Variants in DPY19L3 observed in about 807,000 individuals in gnomAD.
DPY19L3 encodes dpy-19 like C-mannosyltransferase 3.
A neutral mutation model predicts 92.3 loss-of-function variants in DPY19L3; 51 were observed. That is an observed-to-expected ratio of 0.55 (90% CI 0.44 to 0.70). The LOEUF (loss-of-function observed/expected upper bound fraction) is 0.70. Ranked by LOEUF, DPY19L3 falls within the 30% of genes least tolerant of loss-of-function variation. The pLI is 0.00. For missense variants in DPY19L3, 706 were observed against 855.9 expected (o/e 0.82, Z 2.18); for synonymous variants, 309 against 315.2 (o/e 0.98, Z 0.21).
intron 15 of DPY19L3, among the ~76,000 whole-genome samples, chr19:32,465,002 T>C (rs1356038447): frequency 1.3e-5 from 2 of 152,218 alleles, no homozygotes; most frequent in Admixed American, 6.5e-5. Flanking sequence ...ACTATAGCAT[T>C]TAATAATTCT....
chr19:32,461,865 A>G (rs1354346408), intron 12 of DPY19L3, among the ~76,000 whole-genome samples: 1 of 152,168 alleles, frequency 6.6e-6, no homozygotes, highest in African/African-American at 2.4e-5. Flanking sequence ...CAGTCTTAAC[A>G]TCACTGAAGT....
At chr19:32,473,741 A>T (rs1970423185) in intron 16 of DPY19L3, among the ~76,000 whole-genome samples, 1 of 152,202 alleles carries the variant, frequency 6.6e-6, no homozygotes, top group Non-Finnish European at 1.5e-5. Flanking sequence ...CATGGCATGG[A>T]GGGAAGAAGC....
At chr19:32,444,088 CTT>C (rs775264083) in intron 8 of DPY19L3, among the ~76,000 whole-genome samples, 13 of 150,718 alleles carry the variant, frequency 8.6e-5, no homozygotes, top group African/African-American at 2.2e-4. Flanking sequence ...GAAAATCTCT[CTT>C]GAGTGAAAAG....
At chr19:32,410,320 C>T (rs1968133935) in intron 2 of DPY19L3, among the ~76,000 whole-genome samples, 1 of 152,070 alleles carries the variant, frequency 6.6e-6, no homozygotes. Context: ...ATAAATTGTC[C>T]TGAAAGTATT....
chr19:32,451,608 T>G (rs930380221), intron 8 of DPY19L3, among the ~76,000 whole-genome samples: 2 of 152,220 alleles, frequency 1.3e-5, no homozygotes. Flanking sequence ...TATTTTTCAC[T>G]TGTCAGAATG....
intron 3 of DPY19L3, among the ~76,000 whole-genome samples, chr19:32,427,589 T>C (rs1968809618): frequency 6.6e-6 from 1 of 152,224 alleles, no homozygotes; most frequent in African/African-American, 2.4e-5. Flanking sequence ...ACGGTAGTGC[T>C]AAGACTGCTG....
At chr19:32,451,830 C>T (rs1424789184) in intron 8 of DPY19L3, among the ~76,000 whole-genome samples, 1 of 152,066 alleles carries the variant, frequency 6.6e-6, no homozygotes, top group Non-Finnish European at 1.5e-5. Context: ...TTCCTCCCCA[C>T]CCACGCCTCC....
At chr19:32,422,872 C>T (rs1968621081) in intron 3 of DPY19L3, among the ~76,000 whole-genome samples, 1 of 152,152 alleles carries the variant, frequency 6.6e-6, no homozygotes, top group African/African-American at 2.4e-5. Flanking sequence ...AAACAAAAGT[C>T]AACCTAGCAT....
At chr19:32,462,436 CAAT>C (rs1970068359) in intron 12 of DPY19L3, among the ~76,000 whole-genome samples, 1 of 152,134 alleles carries the variant, frequency 6.6e-6, no homozygotes, top group Non-Finnish European at 1.5e-5. Context: ...GCAGTTTCCT[CAAT>C]AACAAACCAC....
At chr19:32,439,295 A>G (rs1463932710) in intron 7 of DPY19L3, 60 bp downstream of exon 7, 7 of 1,546,172 alleles carry the variant, frequency 4.5e-6, no homozygotes, top group Non-Finnish European at 6.2e-6. Flanking sequence ...GAAGCTTCAA[A>G]AAATGTGATG....
chr19:32,424,341 TA>T (rs918646300), intron 3 of DPY19L3, among the ~76,000 whole-genome samples: 7 of 145,608 alleles, frequency 4.8e-5, no homozygotes, highest in East Asian at 4.1e-4. Context: ...AAGAAATAAA[TA>T]AAAAAAAATG....
chr19:32,464,537 G>A (rs977545216), intron 14 of DPY19L3, among the ~76,000 whole-genome samples, 191 bp from the exon 15 acceptor site: 2 of 152,014 alleles, frequency 1.3e-5, no homozygotes, highest in Non-Finnish European at 2.9e-5. Flanking sequence ...AAAACTGTAA[G>A]GCAGAAGTGT....
intron 3 of DPY19L3, among the ~76,000 whole-genome samples, chr19:32,428,315 AC>A (rs1182278253): frequency 5.9e-5 from 9 of 151,922 alleles, no homozygotes; most frequent in African/African-American, 9.7e-5. Flanking sequence ...GTTTTTTTAA[AC>A]ATGAGTTGTT....
At chr19:32,449,017 A>C (rs1969609833) in intron 8 of DPY19L3, among the ~76,000 whole-genome samples, 1 of 152,242 alleles carries the variant, frequency 6.6e-6, no homozygotes, top group South Asian at 2.1e-4. Flanking sequence ...AACTGTAAAC[A>C]TCAAAAAACA....
At position 32,408,246 on chromosome 19, in the gene DPY19L3, CTG is replaced by C. The variant is rs1968049875; in HGVS notation, c.-7_-6del. 6.2e-7 allele frequency: 1 copy of C among 1,603,494 alleles called. No individual in the cohort carries two copies. The highest frequency in any genetic ancestry group is 1.1e-5 in the South Asian group (1 of 90,560). ...GATTTGGAGAACAATGCATGTAAGT[CTG>C]ACATCATGATGTCCATCCGGCAAAG... On this transcript the variant is annotated 5_prime_UTR_variant, in exon 2 of 19. Coordinates refer to ENST00000392250, the MANE Select transcript of DPY19L3 (RefSeq NM_001172774.2).
chr19:32,466,231 T>C (rs1970195965), intron 15 of DPY19L3, among the ~76,000 whole-genome samples: 1 of 152,186 alleles, frequency 6.6e-6, no homozygotes. Flanking sequence ...GAGCATTGAT[T>C]CTTGAAGCGT....
intron 13 of DPY19L3, 127 bp downstream of exon 13, chr19:32,463,615 C>T: frequency 8.7e-7 from 1 of 1,149,016 alleles, no homozygotes; most frequent in Non-Finnish European, 1.2e-6. Flanking sequence ...ATCCTTATAT[C>T]CTATCTTCTC....
Position 32,420,763 on chromosome 19 carries a change from A to G in DPY19L3, c.237+9391A>G, listed in dbSNP as rs188579241. Among the ~76,000 whole-genome samples the G allele has an allele frequency of 3.1e-3, 476 of 152,198 alleles. 2 individuals carry two copies. Among genetic ancestry groups the G allele is most frequent in the Non-Finnish European group, 4.5e-3 (306 of 67,980 alleles). On this transcript the variant is annotated intron_variant, in intron 3 of 18. Transcript: ENST00000392250. ...CCGCGGCCTGCCATGTGTTTAATAAATTGTATAGTAGACATCTGTATAGTC... is the reference window on the plus strand; with the variant it reads ...CCGCGGCCTGCCATGTGTTTAATAAGTTGTATAGTAGACATCTGTATAGTC...
chr19:32,464,817 T>G (rs746866289), intron 15 of DPY19L3, 33 bp downstream of exon 15: 1 of 1,390,668 alleles, frequency 7.2e-7, no homozygotes. Flanking sequence ...TTGTCATTCA[T>G]GTATTTAGCA....
Sources: gnomAD v4.1 joint callset for allele counts (sites outside exome capture counted in the v4.1 genomes callset) on GRCh38, gnomAD v4.1.1 for gene constraint, MANE v1.5 for transcripts, NCBI Gene and HGNC (gene_info 2026-07-23, HGNC 2026-07-21) for gene names.